The following UNC80 variants were observed in gnomAD, a reference collection of about 807,000 sequenced individuals.
UNC80 encodes the protein protein unc-80 homolog.
UNC80 carries 164 observed loss-of-function variants against 384.6 expected under a neutral mutation model. The observed-to-expected ratio is 0.43, with a 90% CI of 0.38 to 0.49. The LOEUF (loss-of-function observed/expected upper bound fraction) is 0.49. UNC80 is among the 20% of genes least tolerant of loss of function. The pLI, the probability that UNC80 is intolerant of heterozygous loss-of-function variation, is 0.00. For missense variants in UNC80, 3,330 were observed against 4,143.0 expected, an observed-to-expected ratio of 0.80 and a Z score of 5.39; for synonymous variants, 1,486 against 1,527.8, an observed-to-expected ratio of 0.97 and a Z score of 0.64.
intron 27 of UNC80, among the ~76,000 whole-genome samples, chr2:209,895,105 C>T (rs560422811): frequency 6.6e-6 from 1 of 152,306 alleles, no homozygotes; most frequent in African/African-American, 2.4e-5. Context: ...TCATTGTAGG[C>T]TCTAAAGAGA....
chr2:209,884,397 C>T (rs999931711), intron 25 of UNC80, among the ~76,000 whole-genome samples: 1 of 152,146 alleles, frequency 6.6e-6, no homozygotes, highest in African/African-American at 2.4e-5. Flanking sequence ...CATATTGGGT[C>T]CTTTTGTGCA....
chr2:209,922,363 G>A lies in UNC80; in HGVS notation c.5642G>A (p.Arg1881His), dbSNP rs761112873. 1.6e-5 allele frequency: 25 copies of A among 1,551,492 alleles called. No individual in the cohort carries two copies. Among genetic ancestry groups the A allele is most frequent in the African/African-American group, 5.5e-5 (4 of 73,028 alleles). ...CGCCGCGGGTCAGTCTGGTCAGTGCGTTCAGCCGTCAGTGCTGAAGGTGTG... is the reference window on the plus strand; with the variant it reads ...CGCCGCGGGTCAGTCTGGTCAGTGCATTCAGCCGTCAGTGCTGAAGGTGTG... ...SFRRGSVWSV[R>H]SAVSAEDEEH... The change falls in exon 35 of 65, where the codon CGT becomes CAT. Residue 1881 changes from arginine to histidine, a missense_variant. Physicochemically the swap from Arg to His is conservative, Grantham distance 29. Around this residue, in one of 8 missense-constraint regions of UNC80, gnomAD observed 1,049 missense variants for 1,488.6 expected, o/e 0.70. Coordinates refer to ENST00000673920, the MANE Select transcript of UNC80 (RefSeq NM_001371986.1).
intron 3 of UNC80, among the ~76,000 whole-genome samples, 187 bp from the exon 4 acceptor site, chr2:209,777,071 A>C (rs2076908978): frequency 6.6e-6 from 1 of 152,208 alleles, no homozygotes; most frequent in Non-Finnish European, 1.5e-5. Context: ...TTCTGCCCCC[A>C]TGGCAGCATA....
In UNC80 at chr2:209,896,403, C is replaced by T. The variant is rs755493374; in HGVS notation, c.4571C>T (p.Ser1524Leu). ...GAEENYHRNMSWLHVMILLCN... is the reference protein window; with the variant it reads ...GAEENYHRNMLWLHVMILLCN... ...GAGGAGAATTACCACAGAAACATGT[C>T]GTGGCTTCATGTAAGTAGGAATCTC... Residue 1524 changes from serine (S) to leucine (L), a missense_variant, in exon 28 of 65, where the codon TCG becomes TTG. This residue lies in a region of UNC80 where 801 missense variants were observed against 950.8 expected (regional missense o/e 0.84). Transcript: ENST00000673920. 8 of 1,551,212 alleles carry T rather than the reference C, an allele frequency of 5.2e-6. No individual in the cohort carries two copies. The highest frequency in any genetic ancestry group is 2.4e-5 in the East Asian group (1 of 40,904).
At chr2:209,855,482 G>T (rs915847990) in intron 22 of UNC80, among the ~76,000 whole-genome samples, 1 of 151,860 alleles carries the variant, frequency 6.6e-6, no homozygotes, top group Admixed American at 6.6e-5. Flanking sequence ...AAAATAAAAT[G>T]AAACAAAATG....
chr2:209,983,955 T>C (rs2093221238), intron 60 of UNC80, among the ~76,000 whole-genome samples: 1 of 152,156 alleles, frequency 6.6e-6, no homozygotes, highest in Admixed American at 6.6e-5. Flanking sequence ...CAGAGGCTGT[T>C]TTTATAGTGA....
intron 47 of UNC80, among the ~76,000 whole-genome samples, chr2:209,950,791 C>T (rs1309324583): frequency 6.6e-6 from 1 of 152,106 alleles, no homozygotes; most frequent in African/African-American, 2.4e-5. Context: ...CTCCTGACCT[C>T]AGGTGATCCA....
At chr2:209,946,844 C>A (rs548729300) in intron 47 of UNC80, among the ~76,000 whole-genome samples, 1 of 152,248 alleles carries the variant, frequency 6.6e-6, no homozygotes, top group East Asian at 1.9e-4. Context: ...ATATATTTGC[C>A]CTGCACCTTA....
chr2:209,969,315 ATCT>A (rs2125010591), intron 52 of UNC80: 1 of 156,576 alleles, frequency 6.4e-6, no homozygotes, highest in African/African-American at 2.4e-5. Flanking sequence ...TTCTAATGTG[ATCT>A]TCTTGGCAGG....
At position 209,834,989 on chromosome 2, in the gene UNC80, G is replaced by C. The variant is rs202138404; in HGVS notation, c.3020G>C (p.Arg1007Pro). The C allele has an allele frequency of 4.4e-5, 68 of 1,550,380 alleles. No individual in the cohort carries two copies. The highest frequency in any genetic ancestry group is 5.9e-5 in the Admixed American group (3 of 50,938). ...PEECRSFMSG[R>P]PSQTPEHDEQ... ...GAATGTCGCAGCTTCATGTCTGGTCGCCCCTCACAGACTCCAGAGCAGTAA... is the reference window on the plus strand; with the variant it reads ...GAATGTCGCAGCTTCATGTCTGGTCCCCCCTCACAGACTCCAGAGCAGTAA... The change falls in exon 18 of 65, where the codon CGC becomes CCC. Residue 1007 changes from arginine (R) to proline (P), a missense_variant. Around this residue, in one of 8 missense-constraint regions of UNC80, gnomAD observed 801 missense variants for 950.8 expected, o/e 0.84. Coordinates refer to ENST00000673920, the MANE Select transcript of UNC80 (RefSeq NM_001371986.1).
chr2:209,877,809 G>A lies in UNC80; in HGVS notation c.3841-145G>A, dbSNP rs1252698545. ...TCTGGTTTCCATACTGGCAAATATG[G>A]TGGAAACAACACTGTGGCATACAGA... On this transcript the variant is annotated intron_variant, in intron 23 of 64. Transcript: ENST00000673920. 1.2e-5 allele frequency: 10 copies of A among 865,708 alleles called. No homozygotes were observed. The Admixed American group carries it at 4.2e-4, about 36-fold the overall frequency. The allele number at this position is 865,708 out of a possible 1,614,324, so 53.6% of individuals were successfully genotyped here.
At chr2:209,949,331 AC>A (rs2092050106) in intron 47 of UNC80, among the ~76,000 whole-genome samples, 1 of 152,194 alleles carries the variant, frequency 6.6e-6, no homozygotes. Flanking sequence ...TTTATTAACT[AC>A]CCACTGGTAA....
At chr2:209,971,896 G>T (rs1245963815) in intron 54 of UNC80, among the ~76,000 whole-genome samples, 1 of 152,162 alleles carries the variant, frequency 6.6e-6, no homozygotes, top group Non-Finnish European at 1.5e-5. Context: ...ATATTTATTG[G>T]TAGAAAAATA....
intron 26 of UNC80, among the ~76,000 whole-genome samples, chr2:209,888,787 TG>T (rs1387286589): frequency 6.6e-6 from 1 of 152,096 alleles, no homozygotes; most frequent in Non-Finnish European, 1.5e-5. Flanking sequence ...GGCTAATTTT[TG>T]TATTTTTTTT....
intron 16 of UNC80, among the ~76,000 whole-genome samples, chr2:209,833,070 A>T (rs903140624): frequency 6.6e-6 from 1 of 152,200 alleles, no homozygotes. Context: ...GAACTACTGC[A>T]GAGCAGAGTG....
At chr2:209,950,408 C>T (rs553207823) in intron 47 of UNC80, among the ~76,000 whole-genome samples, 2 of 151,872 alleles carry the variant, frequency 1.3e-5, no homozygotes, top group Non-Finnish European at 2.9e-5. Flanking sequence ...GGAATTTTTG[C>T]TCCCTCCCTT....
At chr2:209,878,539 AAC>A (rs747024536) in intron 24 of UNC80, among the ~76,000 whole-genome samples, 64 of 152,356 alleles carry the variant, frequency 4.2e-4, no homozygotes, top group South Asian at 8.3e-4. Flanking sequence ...GAAAATTTTA[AAC>A]AGAGTATATT....
In UNC80 at chr2:209,993,401, C is replaced by A. The variant is rs903923892; in HGVS notation, c.9483C>A (p.Ser3161Arg). 2.6e-6 allele frequency: 4 copies of A among 1,551,552 alleles called. No individual in the cohort carries two copies. The African/African-American group carries it at 5.5e-5, about 21-fold the overall frequency. The change falls in exon 63 of 65, where the codon AGC becomes AGA. Residue 3161 changes from serine to arginine, a missense_variant. This residue lies in a region of UNC80 where 236 missense variants were observed against 254.9 expected (regional missense o/e 0.93). Transcript: ENST00000673920. ...CTCGGCTGTCAACCACTCGCAGGAGCATTCAACCTAAAACGAAGCCGTCTG... is the reference window on the plus strand; with the variant it reads ...CTCGGCTGTCAACCACTCGCAGGAGAATTCAACCTAAAACGAAGCCGTCTG... The part of the protein sequence containing the change: ...QGARLSTTRR[S>R]IQPKTKPSAD...
intron 22 of UNC80, among the ~76,000 whole-genome samples, chr2:209,862,313 A>G (rs1218711045): frequency 6.6e-6 from 1 of 152,188 alleles, no homozygotes; most frequent in Non-Finnish European, 1.5e-5. Context: ...TTTGGGATGG[A>G]GAGTTCTGTA....
Sources: gnomAD v4.1 joint callset for allele counts (sites outside exome capture counted in the v4.1 genomes callset) on GRCh38, gnomAD v4.1.1 for gene constraint, gnomAD v4.1.1 regional missense constraint, MANE v1.5 for transcripts, NCBI Gene and HGNC (gene_info 2026-07-23, HGNC 2026-07-21) for gene names.